TMTC2: variants seen among roughly 807,000 people sequenced by gnomAD.
The protein encoded by TMTC2 is protein O-mannosyl-transferase TMTC2.
TMTC2 carries 43 observed loss-of-function variants against 82.4 expected under a neutral mutation model. That is an observed-to-expected ratio of 0.52 (90% CI 0.41 to 0.67). The LOEUF (loss-of-function observed/expected upper bound fraction) is 0.67. Among genes scored for constraint, TMTC2 ranks in the 30% least tolerant of loss-of-function variants. The pLI is 0.00. For synonymous variants in TMTC2, 408 were observed against 381.9 expected (o/e 1.07, Z -0.80); for missense variants, 919 against 1,012.4 (o/e 0.91, Z 1.25).
At chr12:82,972,243 C>T (rs938484095) in intron 7 of TMTC2, among the ~76,000 whole-genome samples, 2 of 151,980 alleles carry the variant, frequency 1.3e-5, no homozygotes, top group Non-Finnish European at 2.9e-5. Context: ...ATCTTATTTG[C>T]CTTTATTTTC....
chr12:83,021,240 A>G (rs1880908500), intron 8 of TMTC2, among the ~76,000 whole-genome samples: 1 of 151,920 alleles, frequency 6.6e-6, no homozygotes, highest in Non-Finnish European at 1.5e-5. Context: ...TGTCTTGCCA[A>G]TTCTCGGCCT....
At chr12:83,054,909 G>C (rs1028645559) in intron 10 of TMTC2, among the ~76,000 whole-genome samples, 1 of 151,934 alleles carries the variant, frequency 6.6e-6, no homozygotes, top group Non-Finnish European at 1.5e-5. Flanking sequence ...TTTTAGTTGT[G>C]TACTAAAGAA....
intron 1 of TMTC2, among the ~76,000 whole-genome samples, chr12:82,752,618 C>T (rs750983847): frequency 1.3e-5 from 2 of 151,924 alleles, no homozygotes; most frequent in Admixed American, 6.6e-5. Flanking sequence ...TTAGAGACTT[C>T]ATAAAGACCA....
chr12:83,108,060 G>A (rs927559124), intron 11 of TMTC2, among the ~76,000 whole-genome samples: 17 of 151,848 alleles, frequency 1.1e-4, no homozygotes, highest in African/African-American at 3.4e-4. Flanking sequence ...CTTCTCCTTC[G>A]CCTTCTTGCC....
At chr12:82,936,658 C>G (rs1876334663) in intron 4 of TMTC2, among the ~76,000 whole-genome samples, 1 of 151,966 alleles carries the variant, frequency 6.6e-6, no homozygotes, top group Non-Finnish European at 1.5e-5. Flanking sequence ...CTAGAAATGC[C>G]AAGAAGGCAT....
chr12:82,891,081 A>G (rs529424947), intron 2 of TMTC2, among the ~76,000 whole-genome samples: 46 of 152,310 alleles, frequency 3.0e-4, no homozygotes, highest in African/African-American at 1.1e-3. Context: ...CAGAAATGCT[A>G]AGGTAAATTG....
At chr12:82,986,376 T>C (rs1346825854) in intron 8 of TMTC2, 1 of 192,624 alleles carries the variant, frequency 5.2e-6, no homozygotes, top group African/African-American at 2.3e-5. Context: ...CATAAATATA[T>C]GCACCTATAG....
At chr12:82,737,683 T>G (rs1187357045) in intron 1 of TMTC2, among the ~76,000 whole-genome samples, 2 of 152,138 alleles carry the variant, frequency 1.3e-5, no homozygotes, top group African/African-American at 4.8e-5. Flanking sequence ...AAGAGTAAAA[T>G]AACACAAAGC....
intron 1 of TMTC2, among the ~76,000 whole-genome samples, chr12:82,728,710 G>A (rs1423802811): frequency 2.0e-5 from 3 of 152,234 alleles, no homozygotes; most frequent in Admixed American, 2.0e-4. Flanking sequence ...CACTATGGGA[G>A]CCCCTTTCTG....
chr12:83,025,188 G>A (rs554542564), intron 8 of TMTC2, among the ~76,000 whole-genome samples: 104 of 121,022 alleles, frequency 8.6e-4, no homozygotes, highest in African/African-American at 3.2e-3. Flanking sequence ...TGAAGCTCTT[G>A]GAACTCTGTC....
chr12:83,049,170 C>A (rs1014856289), intron 9 of TMTC2, among the ~76,000 whole-genome samples: 1 of 152,094 alleles, frequency 6.6e-6, no homozygotes, highest in Non-Finnish European at 1.5e-5. Context: ...ACAGGTTACA[C>A]ATGCATGATA....
At chr12:82,968,626 TTTG>T (rs1052055943) in intron 7 of TMTC2, among the ~76,000 whole-genome samples, 9 of 152,140 alleles carry the variant, frequency 5.9e-5, no homozygotes, top group Non-Finnish European at 8.8e-5. Context: ...CATGTAGTAT[TTTG>T]TTGTTGTTGT....
chr12:83,046,414 G>C (rs1399064003), intron 9 of TMTC2, among the ~76,000 whole-genome samples: 4 of 152,192 alleles, frequency 2.6e-5, no homozygotes. Flanking sequence ...CTGAAATTCT[G>C]CGGTTGGTGC....
chr12:82,692,794 T>TG (rs1235336970), intron 1 of TMTC2, among the ~76,000 whole-genome samples: 1 of 152,232 alleles, frequency 6.6e-6, no homozygotes, highest in Non-Finnish European at 1.5e-5. Flanking sequence ...TATAAATAGC[T>TG]GTCCTCATTT....
chr12:82,716,089 T>C (rs1185955050), intron 1 of TMTC2, among the ~76,000 whole-genome samples: 1 of 152,226 alleles, frequency 6.6e-6, no homozygotes, highest in African/African-American at 2.4e-5. Flanking sequence ...CTAAATTGTT[T>C]CTTCTTTTTT....
chr12:82,779,071 A>T (rs1052444898), intron 1 of TMTC2, among the ~76,000 whole-genome samples: 3 of 151,698 alleles, frequency 2.0e-5, no homozygotes, highest in African/African-American at 7.3e-5. Context: ...ACACAGCCTG[A>T]AATTTAAAGG....
intron 8 of TMTC2, among the ~76,000 whole-genome samples, chr12:83,019,118 A>G (rs1175671729): frequency 6.6e-6 from 1 of 151,088 alleles, no homozygotes; most frequent in East Asian, 2.0e-4. Context: ...TAAGACAAAT[A>G]GATTTTGGGG....
In TMTC2 at chr12:82,908,298, T is replaced by G. The variant is rs548688953; in HGVS notation, c.1483+11652T>G. 6.2e-4 allele frequency among the ~76,000 whole-genome samples: 95 copies of G among 152,292 alleles called. 1 individual carries two copies. Among genetic ancestry groups the G allele is most frequent in the African/African-American group, 2.1e-3 (88 of 41,556 alleles). On this transcript the variant is annotated intron_variant, in intron 3 of 11. Transcript: ENST00000321196. The stretch of plus-strand genomic sequence containing the variant: ...TGTCTTTGAGGACCTTTCCCTATAC[T>G]TCTCCTTATTTCTTGTTTAAAAAAT...
chr12:82,929,341 G>A lies in TMTC2; in HGVS notation c.1484-1090G>A, dbSNP rs1041370610. ...TCCCAAAGTGCTAGTACAGGTGCAA[G>A]CCATTGTGCCCAGCCTCAGACACTG... On this transcript the variant is annotated intron_variant, in intron 3 of 11. Transcript: ENST00000321196. Among the ~76,000 whole-genome samples, 5 of 152,078 alleles carry A rather than the reference G, an allele frequency of 3.3e-5. No homozygotes were observed. The South Asian group carries it at 8.3e-4, about 25-fold the overall frequency.
Sources: allele counts gnomAD v4.1 joint callset (sites outside exome capture counted in the v4.1 genomes callset), GRCh38; gene constraint gnomAD v4.1.1; transcripts MANE v1.5; gene names NCBI Gene and HGNC (gene_info 2026-07-23, HGNC 2026-07-21).